The following CRY1 variants were observed in gnomAD, a reference collection of about 807,000 sequenced individuals.
CRY1 encodes the protein cryptochrome circadian regulator 1.
Under a neutral mutation model 76.0 loss-of-function variants are expected in CRY1, and 45 were observed. The ratio of observed to expected loss-of-function variants is 0.59; its 90% confidence interval spans 0.47 to 0.76. CRY1 has a LOEUF of 0.76. Among genes scored for constraint, CRY1 ranks in the 30% least tolerant of loss-of-function variants. The pLI is 0.00. For synonymous variants in CRY1, 248 were observed against 244.0 expected (o/e 1.02, Z -0.15); for missense variants, 587 against 716.4 (o/e 0.82, Z 2.06).
intron 1 of CRY1, among the ~76,000 whole-genome samples, chr12:107,025,271 T>C (rs934330824): frequency 6.6e-6 from 1 of 152,212 alleles, no homozygotes; most frequent in Non-Finnish European, 1.5e-5. Context: ...AAAAACGAGA[T>C]ACACTACATA....
In CRY1 at chr12:106,997,625, T is replaced by G. The variant is rs1335624823; in HGVS notation, c.1355A>C (p.Glu452Ala). 6.2e-7 allele frequency: 1 copy of G among 1,614,174 alleles called. No individual in the cohort carries two copies. The highest frequency in any genetic ancestry group is 1.1e-5 in the South Asian group (1 of 91,080). The change falls in exon 9 of 13, where the codon GAA becomes GCA. Residue 452 changes from glutamate (E) to alanine (A), a missense_variant. Physicochemically the swap from Glu to Ala is moderately radical, Grantham distance 107. Transcript: ENST00000008527. ...KYIYDPWNAP[E>A]GIQKVAKCLI... ...ACATTTGGCTACCTTTTGGATACCTTCTGGTGCATTCCAGGGATCATAGAT... is the reference window on the plus strand; with the variant it reads ...ACATTTGGCTACCTTTTGGATACCTGCTGGTGCATTCCAGGGATCATAGAT...
chr12:107,054,061 A>G (rs912280305), intron 1 of CRY1, among the ~76,000 whole-genome samples: 2 of 152,196 alleles, frequency 1.3e-5, no homozygotes, highest in South Asian at 2.1e-4. Flanking sequence ...ATGTTCCCCA[A>G]TGGAAGAGCT....
chr12:107,080,338 T>C (rs1441004909), intron 1 of CRY1, among the ~76,000 whole-genome samples: 1 of 152,066 alleles, frequency 6.6e-6, no homozygotes, highest in East Asian at 1.9e-4. Flanking sequence ...CAAATGGGTA[T>C]ATATGATACA....
At chr12:107,014,572 T>C (rs1338255503) in intron 2 of CRY1, among the ~76,000 whole-genome samples, 1 of 118,978 alleles carries the variant, frequency 8.4e-6, no homozygotes, top group African/African-American at 2.7e-5. Flanking sequence ...TTCCTCTTTA[T>C]TTTTTGTTTT....
At position 107,081,545 on chromosome 12, in the gene CRY1, T is replaced by C. The variant is rs188566755; in HGVS notation, c.158+11259A>G. Among the ~76,000 whole-genome samples the C allele has an allele frequency of 5.3e-5, 8 of 152,184 alleles. No homozygotes were observed. In the East Asian group the frequency reaches 9.6e-4, roughly 18 times the overall value. ...ACTGTCCGTTTTCCCCCCACTGGAATAGGGCAGCAACTTTTTCTGTTTTAT... is the reference window on the plus strand; with the variant it reads ...ACTGTCCGTTTTCCCCCCACTGGAACAGGGCAGCAACTTTTTCTGTTTTAT... On this transcript the variant is annotated intron_variant, in intron 1 of 12. Transcript: ENST00000008527.
intron 1 of CRY1, among the ~76,000 whole-genome samples, chr12:107,081,008 T>A (rs371239309): frequency 1.3e-5 from 2 of 151,902 alleles, no homozygotes; most frequent in African/African-American, 4.8e-5. Context: ...GAAGAAAAGG[T>A]AAGAATAAAT....
chr12:107,050,954 A>C (rs1952912010), intron 1 of CRY1, among the ~76,000 whole-genome samples: 1 of 152,224 alleles, frequency 6.6e-6, no homozygotes, highest in South Asian at 2.1e-4. Context: ...ACTTAACAGG[A>C]AGTGAGTATG....
intron 1 of CRY1, among the ~76,000 whole-genome samples, chr12:107,063,621 G>C (rs905976286): frequency 3.5e-4 from 54 of 152,162 alleles, no homozygotes; most frequent in African/African-American, 1.3e-3. Context: ...TTTTGAGACA[G>C]AGTCTTGCTC....
intron 2 of CRY1, among the ~76,000 whole-genome samples, chr12:107,006,817 A>G (rs1460419038): frequency 6.6e-6 from 1 of 151,936 alleles, no homozygotes; most frequent in Non-Finnish European, 1.5e-5. Flanking sequence ...ACAACTAGCT[A>G]ATTTTTGTAT....
At chr12:107,067,351 G>A (rs764792428) in intron 1 of CRY1, among the ~76,000 whole-genome samples, 147 of 152,140 alleles carry the variant, frequency 9.7e-4, no homozygotes, top group Non-Finnish European at 1.6e-3. Context: ...ACAATCTACT[G>A]GAACTCATAA....
In CRY1 at chr12:107,039,155, T is replaced by C. The variant is rs566045619; in HGVS notation, c.159-16963A>G. ...AAAATAAAATAAATAAAATAAGGCC[T>C]TCATCTTACACTATACACAAGAATC... On this transcript the variant is annotated intron_variant, in intron 1 of 12. Transcript: ENST00000008527. 4.6e-5 allele frequency among the ~76,000 whole-genome samples: 7 copies of C among 152,074 alleles called. No homozygotes were observed. The East Asian group carries it at 1.2e-3, about 25-fold the overall frequency.
intron 1 of CRY1, among the ~76,000 whole-genome samples, chr12:107,044,121 T>C (rs746127223): frequency 2.0e-5 from 3 of 152,140 alleles, no homozygotes; most frequent in Admixed American, 1.3e-4. Flanking sequence ...CAAGACCCAG[T>C]TGCCAAAACA....
chr12:106,997,667 C>A lies in CRY1; in HGVS notation c.1313G>T (p.Gly438Val). The part of the protein sequence containing the change: ...YIRRYLPVLR[G>V]FPAKYIYDPW... ...ATCATAGATATATTTTGCAGGGAAG[C>A]CTCTTAGGACAGGCAAATAACGCCT... is the stretch of plus-strand genomic sequence containing the variant. Residue 438 changes from glycine (G) to valine (V), a missense_variant, in exon 9 of 13, where the codon GGC becomes GTC. Gly to Val is a moderately radical substitution (Grantham distance 109, BLOSUM62 -3). Transcript: ENST00000008527. 1 of 1,613,976 alleles carries A rather than the reference C, an allele frequency of 6.2e-7. No individual in the cohort carries two copies. Among genetic ancestry groups the A allele is most frequent in the Non-Finnish European group, 8.5e-7 (1 of 1,179,960 alleles).
At chr12:107,039,456 AG>A (rs1220035828) in intron 1 of CRY1, among the ~76,000 whole-genome samples, 1 of 152,238 alleles carries the variant, frequency 6.6e-6, no homozygotes, top group Non-Finnish European at 1.5e-5. Flanking sequence ...AAAATATGTA[AG>A]GAACTCCTGC....
chr12:107,029,985 G>A (rs151108084), intron 1 of CRY1, among the ~76,000 whole-genome samples: 1 of 152,306 alleles, frequency 6.6e-6, no homozygotes, highest in Non-Finnish European at 1.5e-5. Context: ...ATGGTAGGTA[G>A]TGACCCTGAA....
chr12:107,021,337 T>C (rs1232135161), intron 2 of CRY1, among the ~76,000 whole-genome samples: 1 of 152,166 alleles, frequency 6.6e-6, no homozygotes, highest in Non-Finnish European at 1.5e-5. Flanking sequence ...AAAATGTCCA[T>C]TGTTACAATC....
At chr12:107,074,861 A>C (rs1314569931) in intron 1 of CRY1, among the ~76,000 whole-genome samples, 1 of 152,188 alleles carries the variant, frequency 6.6e-6, no homozygotes, top group East Asian at 1.9e-4. Context: ...GTAAAAATAC[A>C]AAAATTAGCC....
intron 1 of CRY1, among the ~76,000 whole-genome samples, chr12:107,061,553 TG>T (rs1203313480): frequency 6.6e-6 from 1 of 151,976 alleles, no homozygotes; most frequent in African/African-American, 2.4e-5. Flanking sequence ...CTAATTTTTT[TG>T]TCTTTTTAGT....
At chr12:107,013,642 A>G (rs1200029820) in intron 2 of CRY1, among the ~76,000 whole-genome samples, 1 of 152,176 alleles carries the variant, frequency 6.6e-6, no homozygotes, top group Non-Finnish European at 1.5e-5. Context: ...AAGGAATAAA[A>G]CAGGAGATAA....
Sources: allele counts gnomAD v4.1 joint callset (sites outside exome capture counted in the v4.1 genomes callset), GRCh38; gene constraint gnomAD v4.1.1; transcripts MANE v1.5; gene names NCBI Gene and HGNC (gene_info 2026-07-23, HGNC 2026-07-21).